Variants in MYH13 observed in about 807,000 individuals in gnomAD.
MYH13 encodes the protein myosin heavy chain 13, also known as myosin-13.
MYH13 carries 177 observed loss-of-function variants against 232.1 expected under a neutral mutation model. That is an observed-to-expected ratio of 0.76 (90% CI 0.67 to 0.86). The LOEUF is 0.86. MYH13 is among the 40% of genes least tolerant of loss of function. The pLI is 0.00. For synonymous variants in MYH13, 884 were observed against 923.5 expected, an observed-to-expected ratio of 0.96 and a Z score of 0.78; for missense variants, 2,246 against 2,405.9, an observed-to-expected ratio of 0.93 and a Z score of 1.39.
chr17:10,364,324 C>T lies in MYH13; in HGVS notation c.204+3G>A. 1 of 1,611,910 alleles carries T rather than the reference C, an allele frequency of 6.2e-7. No individual in the cohort carries two copies. On this transcript the variant is annotated splice_donor_region_variant and intron_variant, in intron 3 of 40. Coordinates refer to ENST00000252172, the MANE Select transcript of MYH13 (RefSeq NM_003802.3). ...ATCAAAGACATCTGTAATCAACACT[C>T]ACCCGGTCATCGAGGGTCTTGACTA... is the stretch of plus-strand genomic sequence containing the variant.
At position 10,329,990 on chromosome 17, in the gene MYH13, A is replaced by G. The variant is rs1324663543; in HGVS notation, c.2435+397T>C. ...ACTCCAGCCTGGATGACAGAGCAAGACTCTGTCTAAAAAAAAAAAAAAAGG... is the reference window on the plus strand; with the variant it reads ...ACTCCAGCCTGGATGACAGAGCAAGGCTCTGTCTAAAAAAAAAAAAAAAGG... On this transcript the variant is annotated intron_variant, in intron 21 of 40. Transcript: ENST00000252172. 6.1e-5 allele frequency among the ~76,000 whole-genome samples: 9 copies of G among 148,254 alleles called. No individual in the cohort carries two copies. The East Asian group carries it at 1.8e-3, about 30-fold the overall frequency.
chr17:10,324,304 T>C (rs779009418), intron 22 of MYH13, 40 bp from the exon 23 acceptor site: 29 of 1,607,692 alleles, frequency 1.8e-5, no homozygotes, highest in Non-Finnish European at 2.4e-5. Context: ...ATTGGCCTCT[T>C]TGAAAATGCT....
chr17:10,324,155 T>C lies in MYH13; in HGVS notation c.2801A>G (p.Glu934Gly), dbSNP rs746318337. Reference sequence around the variant, plus strand: ...GGCAACCAATTCAGAATTCATCTCCTCTTCCTCTTCCAATCTCTCCGTCAG... The same window carrying C: ...GGCAACCAATTCAGAATTCATCTCCCCTTCCTCTTCCAATCTCTCCGTCAG... ...KELTERLEEE[E>G]EMNSELVAKK... Residue 934 changes from glutamate to glycine, a missense_variant, in exon 23 of 41, where the codon GAG (glutamate) becomes GGG (glycine). Coordinates refer to ENST00000252172, the MANE Select transcript of MYH13 (RefSeq NM_003802.3). 4 of 1,613,852 alleles carry C rather than the reference T, an allele frequency of 2.5e-6. No individual in the cohort carries two copies. In the African/African-American group the frequency reaches 5.3e-5, roughly 22 times the overall value.
At position 10,309,261 on chromosome 17, in the gene MYH13, G is replaced by A. The variant is rs749322164; in HGVS notation, c.5142C>T (p.Ser1714=). 3.7e-6 allele frequency: 6 copies of A among 1,613,442 alleles called. No individual in the cohort carries two copies. The Admixed American group carries it at 5.0e-5, about 13-fold the overall frequency. The change falls in exon 35 of 41, where the codon AGC becomes AGT. Residue 1714 remains serine, a synonymous_variant. Coordinates refer to ENST00000252172, the MANE Select transcript of MYH13 (RefSeq NM_003802.3). The stretch of plus-strand genomic sequence containing the variant: ...GGGAGTGCAGGAGCTGCACGCGGTC[G>A]CTGGCGTCCAGCAGCTCCTGCTCTG... ...RLSEQELLDA[S]DRVQLLHSQN...
In MYH13 at chr17:10,360,046, C is replaced by G; in HGVS notation, c.559G>C (p.Val187Leu). ...TACTGGATGACACGCTTGGTGTTCA[C>G]AGTCTTCCCAGCCCCGGATTCTCCG... is the stretch of plus-strand genomic sequence containing the variant. The part of the protein sequence containing the change: ...ITGESGAGKT[V>L]NTKRVIQYFA... The change falls in exon 7 of 41, where the codon GTG becomes CTG. Residue 187 changes from valine to leucine, a missense_variant. Physicochemically the swap from Val to Leu is conservative, Grantham distance 32. Transcript: ENST00000252172. 1 of 1,614,112 alleles carries G rather than the reference C, an allele frequency of 6.2e-7. No individual in the cohort carries two copies. The highest frequency in any genetic ancestry group is 8.5e-7 in the Non-Finnish European group (1 of 1,180,016).
Position 10,327,909 on chromosome 17 carries a change from G to T in MYH13, c.2648C>A (p.Ser883Tyr). Residue 883 changes from serine to tyrosine, a missense_variant, in exon 22 of 41, where the codon TCC (serine) becomes TAC (tyrosine). Coordinates refer to ENST00000252172, the MANE Select transcript of MYH13 (RefSeq NM_003802.3). Reference protein sequence around the residue: ...RRKELEEKMVSLLQEKNDLQL... With the variant: ...RRKELEEKMVYLLQEKNDLQL... Reference sequence around the variant, plus strand: ...GAGGTCATTCTTCTCCTGCAGGAGGGAGACCATTTTCTCCTCCAGCTCCTT... The same window carrying T: ...GAGGTCATTCTTCTCCTGCAGGAGGTAGACCATTTTCTCCTCCAGCTCCTT... The T allele has an allele frequency of 5.6e-6, 9 of 1,613,786 alleles. No homozygotes were observed. The highest frequency in any genetic ancestry group is 6.8e-6 in the Non-Finnish European group (8 of 1,179,864).
intron 19 of MYH13, 105 bp downstream of exon 19, chr17:10,332,969 T>G: frequency 1.1e-6 from 1 of 908,794 alleles, no homozygotes; most frequent in East Asian, 2.7e-5. Flanking sequence ...GTGGAAACTC[T>G]GGGGGACTTG....
chr17:10,324,118 A>G lies in MYH13; in HGVS notation c.2838T>C (p.Asn946=). 6.2e-7 allele frequency: 1 copy of G among 1,613,762 alleles called. No individual in the cohort carries two copies. Among genetic ancestry groups the G allele is most frequent in the Non-Finnish European group, 8.5e-7 (1 of 1,179,866 alleles). The change falls in exon 23 of 41, where the codon AAT becomes AAC. Residue 946 remains asparagine (N), a synonymous_variant. Transcript: ENST00000252172. ...MNSELVAKKR[N]LEDKCSSLKR... The stretch of plus-strand genomic sequence containing the variant: ...TGAGAGAGGAGCATTTATCTTCCAG[A>G]TTCCTCTTCTTGGCAACCAATTCAG...
rs778126835 is a variant in MYH13 at position 10,324,244 on chromosome 17, G to C, written c.2712C>G (p.Asp904Glu). Reference protein sequence around the residue: ...QVQSETENLMDAEERCEGLIK... With the variant: ...QVQSETENLMEAEERCEGLIK... ...TGAGTCCTTCACACCGTTCCTCAGC[G>C]TCCATCAGATTTTCTGTTTCCTGAA... Residue 904 changes from aspartate to glutamate, a missense_variant, in exon 23 of 41, where the codon GAC becomes GAG. Transcript: ENST00000252172. 1 of 1,613,314 alleles carries C rather than the reference G, an allele frequency of 6.2e-7. No homozygotes were observed. The highest frequency in any genetic ancestry group is 1.1e-5 in the South Asian group (1 of 90,932).
chr17:10,350,467 C>T lies in MYH13; in HGVS notation c.1144+89G>A, dbSNP rs558780463. 2.0e-4 allele frequency: 303 copies of T among 1,521,648 alleles called. No individual in the cohort carries two copies. In the Middle Eastern group the frequency reaches 4.0e-3, roughly 20 times the overall value. 94.3% of individuals were successfully genotyped at this position (1,521,648 alleles called of 1,614,324 possible). On this transcript the variant is annotated intron_variant, in intron 12 of 40. Transcript: ENST00000252172. The stretch of plus-strand genomic sequence containing the variant: ...TTTATGCAGTTTTGGAAGAACAGCT[C>T]TTGAAATGAATGCAGTTTATCTCAC...
At chr17:10,311,655 G>C (rs1316047876) in intron 32 of MYH13, among the ~76,000 whole-genome samples, 1 of 152,200 alleles carries the variant, frequency 6.6e-6, no homozygotes, top group African/African-American at 2.4e-5. Context: ...AATCACTGAA[G>C]GGTCTTCTCT....
intron 23 of MYH13, among the ~76,000 whole-genome samples, chr17:10,322,824 G>A (rs761039129): frequency 5.1e-4 from 78 of 151,816 alleles, no homozygotes; most frequent in Non-Finnish European, 1.0e-3. Context: ...TAGTAGAGAC[G>A]GGGTTTCACC....
In MYH13 at chr17:10,346,701, A is replaced by G. The variant is rs1357482470; in HGVS notation, c.1242T>C (p.Thr414=). 7 of 1,613,612 alleles carry G rather than the reference A, an allele frequency of 4.3e-6. No homozygotes were observed. The highest frequency in any genetic ancestry group is 1.7e-5 in the Admixed American group (1 of 60,012). Residue 414 remains threonine, a synonymous_variant, in exon 13 of 41, where the codon ACT becomes ACC. Transcript: ENST00000252172. ...PRVKVGNEYV[T]KGQNVQQVTN... is the part of the protein sequence containing the mutation. Reference sequence around the variant, plus strand: ...TTACCTGCTGGACATTTTGCCCTTTAGTGACATATTCATTGCCAACCTTCA... The same window carrying G: ...TTACCTGCTGGACATTTTGCCCTTTGGTGACATATTCATTGCCAACCTTCA...
chr17:10,319,293 G>T (rs1016476733), intron 26 of MYH13, 114 bp from the exon 27 acceptor site: 82 of 1,289,352 alleles, frequency 6.4e-5, no homozygotes, highest in Admixed American at 2.3e-4. Flanking sequence ...TGGGTCATTT[G>T]AGGTCAGGAG....
chr17:10,340,020 C>T (rs910118656), intron 18 of MYH13, 130 bp downstream of exon 18: 1 of 754,066 alleles, frequency 1.3e-6, no homozygotes, highest in South Asian at 1.9e-5. Flanking sequence ...TCTGGCAACC[C>T]TATTTCAGAG....
chr17:10,325,758 C>T (rs987216654), intron 22 of MYH13, among the ~76,000 whole-genome samples: 4 of 152,272 alleles, frequency 2.6e-5, no homozygotes, highest in Middle Eastern at 3.4e-3. Context: ...CTCACTGCAA[C>T]CTCTGCCTCC....
In MYH13 at chr17:10,324,202, T is replaced by C. The variant is rs1224696569; in HGVS notation, c.2754A>G (p.Leu918=). 6.2e-7 allele frequency: 1 copy of C among 1,613,970 alleles called. No individual in the cohort carries two copies. Among genetic ancestry groups the C allele is most frequent in the Non-Finnish European group, 8.5e-7 (1 of 1,179,878 alleles). ...TCAGCTCCTTGACTTTTGCTTCCAG[T>C]AGGATCTTGCTTTTGATGAGTCCTT... ...RCEGLIKSKI[L]LEAKVKELTE... is the part of the protein sequence containing the mutation. Residue 918 remains leucine (L), a synonymous_variant, in exon 23 of 41, where the codon CTA becomes CTG. Coordinates refer to ENST00000252172, the MANE Select transcript of MYH13 (RefSeq NM_003802.3).
intron 13 of MYH13, 42 bp from the exon 14 acceptor site, chr17:10,345,658 C>T (rs776765217): frequency 6.2e-7 from 1 of 1,613,856 alleles, no homozygotes; most frequent in Non-Finnish European, 8.5e-7. Context: ...GTTAGTGTTT[C>T]TATGGCTGCA....
chr17:10,321,603 G>C lies in MYH13; in HGVS notation c.3040C>G (p.Leu1014Val). 6.2e-7 allele frequency: 1 copy of C among 1,613,830 alleles called. No individual in the cohort carries two copies. The highest frequency in any genetic ancestry group is 8.5e-7 in the Non-Finnish European group (1 of 1,179,752). The change falls in exon 24 of 41, where the codon CTT (leucine) becomes GTT (valine). Residue 1014 changes from leucine (L) to valine (V), a missense_variant. Coordinates refer to ENST00000252172, the MANE Select transcript of MYH13 (RefSeq NM_003802.3). ...TTGACTTTATCTTCTTCCACCTGAA[G>C]ATCATCCAGTGTTTGCTGATGGGCC... ...QEAHQQTLDD[L>V]QVEEDKVNGL...
Sources: allele counts gnomAD v4.1 joint callset (sites outside exome capture counted in the v4.1 genomes callset), GRCh38; gene constraint gnomAD v4.1.1; transcripts MANE v1.5; gene names NCBI Gene and HGNC (gene_info 2026-07-23, HGNC 2026-07-21).